Variants in COL9A3 observed in about 807,000 individuals in gnomAD.
COL9A3 encodes collagen type IX alpha 3 chain, also known as collagen alpha-3(IX) chain.
Under a neutral mutation model 110.2 loss-of-function variants are expected in COL9A3, and 82 were observed. The observed-to-expected ratio is 0.74, with a 90% CI of 0.62 to 0.89. The LOEUF is 0.89. Among genes scored for constraint, COL9A3 ranks in the 40% least tolerant of loss-of-function variants. COL9A3 has a pLI of 0.00. For synonymous variants in COL9A3, 494 were observed against 403.8 expected (o/e 1.22, Z -2.68); for missense variants, 1,066 against 981.3 (o/e 1.09, Z -1.15).
Position 62,840,595 on chromosome 20 carries a change from G to C in COL9A3, c.1918G>C (p.Glu640Gln), listed in dbSNP as rs553583384. The change falls in exon 32 of 32, where the codon GAG (glutamate) becomes CAG (glutamine). Residue 640 changes from glutamate to glutamine, a missense_variant. Physicochemically the swap from Glu to Gln is conservative, Grantham distance 29. Coordinates refer to ENST00000649368, the MANE Select transcript of COL9A3 (RefSeq NM_001853.4). ...SKDGQDGAPGEPGPPGDPGLP... is the reference protein window; with the variant it reads ...SKDGQDGAPGQPGPPGDPGLP... ...GGACGGCCAGGACGGTGCTCCCGGC[G>C]AGCCTGGGCCTCCCGGAGATCCTGG... 6.2e-7 allele frequency: 1 copy of C among 1,612,990 alleles called. No individual in the cohort carries two copies. The highest frequency in any genetic ancestry group is 8.5e-7 in the Non-Finnish European group (1 of 1,179,938).
In COL9A3 at chr20:62,829,544, G is replaced by T. The variant is rs1349705511; in HGVS notation, c.1053+45G>T. ...TTCTCTCTGGGAGGGGAGGCGAGGGGCCGGGAGGCAAGGGGCTGGGGGGCC... is the reference window on the plus strand; with the variant it reads ...TTCTCTCTGGGAGGGGAGGCGAGGGTCCGGGAGGCAAGGGGCTGGGGGGCC... On this transcript the variant is annotated intron_variant, in intron 20 of 31. Coordinates refer to ENST00000649368, the MANE Select transcript of COL9A3 (RefSeq NM_001853.4). The T allele has an allele frequency of 1.9e-6, 3 of 1,566,846 alleles. No homozygotes were observed. In the African/African-American group the frequency reaches 4.1e-5, roughly 21 times the overall value.
intron 17 of COL9A3, 102 bp downstream of exon 17, chr20:62,828,078 G>C (rs2063568822): frequency 8.2e-7 from 1 of 1,222,704 alleles, no homozygotes; most frequent in African/African-American, 1.5e-5. Flanking sequence ...GCCCTCTGCT[G>C]TGGCCATCTT....
chr20:62,819,992 T>C lies in COL9A3; in HGVS notation c.309+10T>C. ...TGCCCCTGGGGAACGGGTAAGTGCC[T>C]GCGCCGAACCCAGTGGCTTGGGTTC... On this transcript the variant is annotated intron_variant, in intron 5 of 31. Transcript: ENST00000649368. The C allele has an allele frequency of 6.2e-7, 1 of 1,612,440 alleles. No individual in the cohort carries two copies. The highest frequency in any genetic ancestry group is 2.2e-5 in the East Asian group (1 of 44,800).
chr20:62,817,008 G>T (rs1018324591), upstream of COL9A3: 376 of 1,055,038 alleles, frequency 3.6e-4, 2 homozygotes, highest in African/African-American at 5.4e-3. Context: ...CCCACCTCCC[G>T]CCCCGCCCGC....
At chr20:62,825,203 G>A (rs372412740) in intron 12 of COL9A3, among the ~76,000 whole-genome samples, 182 bp downstream of exon 12, 1 of 151,778 alleles carries the variant, frequency 6.6e-6, no homozygotes, top group East Asian at 1.9e-4. Flanking sequence ...TCCGGCGGTG[G>A]GGAGGGACCG....
intron 7 of COL9A3, 74 bp downstream of exon 7, chr20:62,821,604 A>G: frequency 6.2e-7 from 1 of 1,604,304 alleles, no homozygotes; most frequent in Non-Finnish European, 8.5e-7. Context: ...GGATGTCCCA[A>G]ACCGTGCCTG....
In COL9A3 at chr20:62,841,067, C is replaced by A; in HGVS notation, c.*335C>A. The A allele has an allele frequency of 3.7e-6, 1 of 269,164 alleles. No homozygotes were observed. Among genetic ancestry groups the A allele is most frequent in the Non-Finnish European group, 7.2e-6 (1 of 138,176 alleles). The allele number at this position is 269,164 out of a possible 1,614,324, so 16.7% of individuals were successfully genotyped here. A position where few individuals can be genotyped will look rare whatever the true frequency, so the allele number is the denominator to read the frequency against. On this transcript the variant is annotated 3_prime_UTR_variant, in exon 32 of 32. Transcript: ENST00000649368. ...TTTGTGTAAAGACTATGATCTCATC[C>A]CAATAAAATGATATATTAAACCTTC...
At chr20:62,837,647 A>G (rs1289880763) in intron 30 of COL9A3, among the ~76,000 whole-genome samples, 1 of 152,054 alleles carries the variant, frequency 6.6e-6, no homozygotes, top group Non-Finnish European at 1.5e-5. Context: ...TCTCTACTAA[A>G]AATACAAAAA....
rs962962220 is a variant in COL9A3 at position 62,836,642 on chromosome 20, C to T, written c.1603+110C>T. 1.0e-5 allele frequency: 12 copies of T among 1,181,822 alleles called. No homozygotes were observed. The South Asian group carries it at 1.5e-4, about 14-fold the overall frequency. The allele number at this position is 1,181,822 out of a possible 1,614,324, so 73.2% of individuals were successfully genotyped here. ...GCCACTGCTTTCCAGCCAAAGTGAG[C>T]CCCTAGCACTCACCCCGCCTGTTAG... On this transcript the variant is annotated intron_variant, in intron 29 of 31. Coordinates refer to ENST00000649368, the MANE Select transcript of COL9A3 (RefSeq NM_001853.4).
At chr20:62,820,078 A>T in intron 5 of COL9A3, 96 bp downstream of exon 5, 2 of 1,420,962 alleles carry the variant, frequency 1.4e-6, no homozygotes, top group Non-Finnish European at 2.0e-6. Context: ...AGGAGCTGGT[A>T]GTTCCAAGGA....
intron 29 of COL9A3, 160 bp downstream of exon 29, chr20:62,836,692 G>A: frequency 1.3e-6 from 1 of 778,644 alleles, no homozygotes; most frequent in Non-Finnish European, 2.0e-6. Flanking sequence ...CGTCCGCCTT[G>A]GCGTCTGCCT....
intron 26 of COL9A3, among the ~76,000 whole-genome samples, chr20:62,833,407 T>G (rs552637911): frequency 1.3e-5 from 2 of 152,298 alleles, no homozygotes; most frequent in South Asian, 4.1e-4. Context: ...TTTTGGGGTT[T>G]CTTGTTTTTT....
Position 62,829,760 on chromosome 20 carries a change from C to A in COL9A3, c.1108-6C>A. On this transcript the variant is annotated splice_polypyrimidine_tract_variant and splice_region_variant and intron_variant, in intron 21 of 31. Coordinates refer to ENST00000649368, the MANE Select transcript of COL9A3 (RefSeq NM_001853.4). ...TGCCCTGACACCCTCCTTCCTTTCC[C>A]TGTAGGGAGATGCTGGCATGCCTGG... 1 of 1,591,346 alleles carries A rather than the reference C, an allele frequency of 6.3e-7. No individual in the cohort carries two copies. The highest frequency in any genetic ancestry group is 8.6e-7 in the Non-Finnish European group (1 of 1,169,416).
chr20:62,817,790 G>A, intron 2 of COL9A3, 155 bp downstream of exon 2: 1 of 656,930 alleles, frequency 1.5e-6, no homozygotes. Flanking sequence ...ACGGGATGGG[G>A]GTGGCCCTGC....
chr20:62,828,983 G>C lies in COL9A3; in HGVS notation c.1008+7G>C, dbSNP rs2063575142. The C allele has an allele frequency of 3.1e-6, 5 of 1,600,536 alleles. No individual in the cohort carries two copies. The highest frequency in any genetic ancestry group is 4.3e-6 in the Non-Finnish European group (5 of 1,175,602). ...GGGCCCCAACGGGCTGCCGGTGAGT[G>C]CCCGGCGGGTGGGGCCAGCCTGGGG... On this transcript the variant is annotated splice_region_variant and intron_variant, in intron 19 of 31. Coordinates refer to ENST00000649368, the MANE Select transcript of COL9A3 (RefSeq NM_001853.4).
chr20:62,835,068 C>T (rs916162382), intron 26 of COL9A3, among the ~76,000 whole-genome samples: 1 of 152,268 alleles, frequency 6.6e-6, no homozygotes, highest in Non-Finnish European at 1.5e-5. Flanking sequence ...AGGCTTTGCT[C>T]TCAGCTACTC....
At chr20:62,832,030 C>A in intron 24 of COL9A3, 124 bp from the exon 25 acceptor site, 1 of 1,007,326 alleles carries the variant, frequency 9.9e-7, no homozygotes, top group Non-Finnish European at 1.6e-6. Flanking sequence ...CCGGTGTTCA[C>A]AGAAGCCCTT....
chr20:62,824,532 C>T, intron 11 of COL9A3, 31 bp downstream of exon 11: 3 of 1,565,238 alleles, frequency 1.9e-6, no homozygotes, highest in Non-Finnish European at 2.6e-6. Flanking sequence ...ACCCAAGCAC[C>T]ACCCTGTGCT....
At position 62,830,572 on chromosome 20, in the gene COL9A3, G is replaced by A. The variant is rs2147217388; in HGVS notation, c.1271G>A (p.Gly424Asp). ...CTTCCAGGCCCCCAGGGCCTCCGAGGTGACGTGGGCGACCGGGTAAGTGGC... is the reference window on the plus strand; with the variant it reads ...CTTCCAGGCCCCCAGGGCCTCCGAGATGACGTGGGCGACCGGGTAAGTGGC... ...PGLPGPQGLR[G>D]DVGDRGPGGA... Residue 424 changes from glycine (G) to aspartate (D), a missense_variant, in exon 24 of 32, where the codon GGT (glycine) becomes GAT (aspartate). Transcript: ENST00000649368. 1 of 1,604,124 alleles carries A rather than the reference G, an allele frequency of 6.2e-7. No individual in the cohort carries two copies. Among genetic ancestry groups the A allele is most frequent in the Non-Finnish European group, 8.5e-7 (1 of 1,176,696 alleles).
Sources: allele counts gnomAD v4.1 joint callset (sites outside exome capture counted in the v4.1 genomes callset), GRCh38; gene constraint gnomAD v4.1.1; transcripts MANE v1.5; gene names NCBI Gene and HGNC (gene_info 2026-07-23, HGNC 2026-07-21).